The following FHIT variants were observed in gnomAD, a reference collection of about 807,000 sequenced individuals.
FHIT encodes the protein fragile histidine triad diadenosine triphosphatase.
In FHIT, 19 loss-of-function variants were observed where a neutral mutation model predicts 17.9. That is an observed-to-expected ratio of 1.06 (90% confidence interval 0.74 to 1.56). FHIT has a LOEUF of 1.56. Ranked by LOEUF, FHIT falls within the 40% of genes most tolerant of loss-of-function variation. The probability of loss-of-function intolerance (pLI) is 0.00; values close to 1 mark genes in which losing one functional copy is unlikely to be tolerated. For synonymous variants in FHIT, 81 were observed against 69.7 expected (o/e 1.16, Z -0.81); for missense variants, 248 against 189.2 (o/e 1.31, Z -1.82).
intron 4 of FHIT, among the ~76,000 whole-genome samples, chr3:60,773,402 T>C (rs1202652333): frequency 1.3e-5 from 2 of 152,240 alleles, no homozygotes; most frequent in African/African-American, 4.8e-5. Flanking sequence ...TACCCGTCAA[T>C]GCAATTTTCT....
intron 8 of FHIT, among the ~76,000 whole-genome samples, chr3:59,754,912 T>TTGCC (rs1489782939): frequency 1.3e-5 from 2 of 152,072 alleles, no homozygotes; most frequent in African/African-American, 4.8e-5. Flanking sequence ...CCCTGGTTGG[T>TTGCC]TGCCCACTGT....
intron 4 of FHIT, among the ~76,000 whole-genome samples, chr3:60,781,521 A>ATTC (rs1700388666): frequency 5.9e-5 from 9 of 152,318 alleles, no homozygotes; most frequent in African/African-American, 9.6e-5. Context: ...GAATCACTGG[A>ATTC]AATGGTCCCA....
chr3:61,067,300 T>G (rs2034644436), intron 2 of FHIT, among the ~76,000 whole-genome samples: 1 of 152,148 alleles, frequency 6.6e-6, no homozygotes, highest in Non-Finnish European at 1.5e-5. Flanking sequence ...AACTATGTAC[T>G]CATGGTGATG....
intron 5 of FHIT, among the ~76,000 whole-genome samples, chr3:60,467,420 G>A (rs1447624118): frequency 1.3e-5 from 2 of 151,516 alleles, no homozygotes; most frequent in East Asian, 1.9e-4. Flanking sequence ...TGTTTAAAAT[G>A]TATCATTAGT....
At chr3:60,267,219 T>C (rs1706626088) in intron 5 of FHIT, among the ~76,000 whole-genome samples, 1 of 151,912 alleles carries the variant, frequency 6.6e-6, no homozygotes, top group South Asian at 2.1e-4. Flanking sequence ...ACTAAAATAA[T>C]CAGTTTAAAA....
chr3:61,146,160 A>G (rs2037220937), intron 2 of FHIT, among the ~76,000 whole-genome samples: 1 of 152,080 alleles, frequency 6.6e-6, no homozygotes, highest in East Asian at 1.9e-4. Context: ...TCTAGTGGTT[A>G]GTAAAACCAT....
At chr3:60,131,674 A>G (rs955229226) in intron 5 of FHIT, among the ~76,000 whole-genome samples, 1 of 151,790 alleles carries the variant, frequency 6.6e-6, no homozygotes, top group Non-Finnish European at 1.5e-5. Context: ...TTCTCTTTCA[A>G]TCCTGTCCCC....
intron 5 of FHIT, among the ~76,000 whole-genome samples, chr3:60,083,988 C>A (rs991874835): frequency 1.3e-5 from 2 of 152,238 alleles, no homozygotes; most frequent in South Asian, 4.1e-4. Context: ...TGATAACTGG[C>A]ACGTTTATGT....
At chr3:60,488,087 C>T (rs1015869495) in intron 5 of FHIT, among the ~76,000 whole-genome samples, 3 of 152,132 alleles carry the variant, frequency 2.0e-5, no homozygotes, top group East Asian at 3.8e-4. Context: ...TGACAAGGCC[C>T]GTGCAGCTAC....
intron 4 of FHIT, among the ~76,000 whole-genome samples, chr3:60,627,926 C>T (rs7633853): frequency 0.4 from 61,085 of 152,076 alleles, 12,582 homozygotes; most frequent in East Asian, 0.64. Context: ...TTTGAACCAA[C>T]TCTGGTTACA....
At chr3:61,151,065 G>T (rs1223815023) in intron 2 of FHIT, among the ~76,000 whole-genome samples, 1 of 152,138 alleles carries the variant, frequency 6.6e-6, no homozygotes, top group African/African-American at 2.4e-5. Context: ...ACTTACTTTG[G>T]ATTTGCTTCT....
At position 60,510,616 on chromosome 3, in the gene FHIT, C is replaced by T. The variant is rs2034913889; in HGVS notation, c.103+26244G>A. The stretch of plus-strand genomic sequence containing the variant: ...GAGATCTCATGGGAGACGATAAAGA[C>T]CAGGCTTCCAAGACAGAGATGTGAG... On this transcript the variant is annotated intron_variant, in intron 5 of 9. Transcript: ENST00000492590. Among the ~76,000 whole-genome samples, 4 of 120,042 alleles carry T rather than the reference C, an allele frequency of 3.3e-5. No homozygotes were observed. In the Admixed American group the frequency reaches 3.6e-4, roughly 11 times the overall value. 78.8% of individuals were successfully genotyped at this position (120,042 alleles called of 152,430 possible).
Position 59,879,883 on chromosome 3 carries a change from G to A in FHIT, c.348+42463C>T, listed in dbSNP as rs184325474. Among the ~76,000 whole-genome samples, 469 of 151,608 alleles carry A rather than the reference G, an allele frequency of 3.1e-3. 3 individuals carry two copies. Among genetic ancestry groups the A allele is most frequent in the African/African-American group, 0.011 (444 of 41,022 alleles). ...ACTCTTTGGGCCACATTATTTCTGA[G>A]CCTTTAATTCAATGGTTTAACCAAT... On this transcript the variant is annotated intron_variant, in intron 8 of 9. Transcript: ENST00000492590.
rs562003283 is a variant in FHIT, at chr3:59,925,225, T to A, written c.280-2811A>T. ...CTCAAGAGATCCTCCTGCCTCAGCCTCCCAAATGGCTGGGACTACAGGTGC... is the reference window on the plus strand; with the variant it reads ...CTCAAGAGATCCTCCTGCCTCAGCCACCCAAATGGCTGGGACTACAGGTGC... On this transcript the variant is annotated intron_variant, in intron 7 of 9. Coordinates refer to ENST00000492590, the MANE Select transcript of FHIT (RefSeq NM_002012.4). Among the ~76,000 whole-genome samples, 163 of 152,202 alleles carry A rather than the reference T, an allele frequency of 1.1e-3. 3 individuals carry two copies. The South Asian group carries it at 0.023, about 21-fold the overall frequency.
intron 8 of FHIT, among the ~76,000 whole-genome samples, chr3:59,828,241 C>T (rs1279780512): frequency 1.3e-5 from 2 of 152,154 alleles, no homozygotes; most frequent in African/African-American, 4.8e-5. Flanking sequence ...AAAAAATAAT[C>T]ATCAGAAACA....
chr3:59,948,810 T>C (rs1706967304), intron 7 of FHIT, among the ~76,000 whole-genome samples: 1 of 152,162 alleles, frequency 6.6e-6, no homozygotes, highest in Non-Finnish European at 1.5e-5. Context: ...ACTCTACTTG[T>C]ATTGTTCATT....
chr3:61,115,023 G>A (rs548799816), intron 2 of FHIT, among the ~76,000 whole-genome samples: 2 of 152,272 alleles, frequency 1.3e-5, no homozygotes, highest in South Asian at 4.2e-4. Flanking sequence ...TAGACTAGTG[G>A]AGGATATGCT....
At chr3:60,268,138 AG>A (rs1706680065) in intron 5 of FHIT, among the ~76,000 whole-genome samples, 1 of 152,180 alleles carries the variant, frequency 6.6e-6, no homozygotes, top group South Asian at 2.1e-4. Context: ...AACTACAAAA[AG>A]CTTTTCAGGC....
At position 60,312,605 on chromosome 3, in the gene FHIT, T is replaced by A. The variant is rs2106765603; in HGVS notation, c.103+224255A>T. Among the ~76,000 whole-genome samples, 2 of 152,274 alleles carry A rather than the reference T, an allele frequency of 1.3e-5. 1 individual carries two copies. The highest frequency in any genetic ancestry group is 4.1e-4 in the South Asian group (2 of 4,826). On this transcript the variant is annotated intron_variant, in intron 5 of 9. Coordinates refer to ENST00000492590, the MANE Select transcript of FHIT (RefSeq NM_002012.4). ...GCAGCTTCTGATTTAACAGTTCTGG[T>A]ATGGACCTGAGATTCTGCATTTCCA...
Sources: allele counts gnomAD v4.1 joint callset (sites outside exome capture counted in the v4.1 genomes callset), GRCh38; gene constraint gnomAD v4.1.1; transcripts MANE v1.5; gene names NCBI Gene and HGNC (gene_info 2026-07-23, HGNC 2026-07-21).